The following WDR70 variants were observed in gnomAD, a reference collection of about 807,000 sequenced individuals.
WDR70 encodes the protein WD repeat-containing protein 70.
A neutral mutation model predicts 88.6 loss-of-function variants in WDR70; 53 were observed. That is an observed-to-expected ratio of 0.60 (90% CI 0.48 to 0.75). The LOEUF is 0.75. Among genes scored for constraint, WDR70 ranks in the 30% least tolerant of loss-of-function variants. The pLI is 0.00. For synonymous variants in WDR70, 280 were observed against 270.0 expected (o/e 1.04, Z -0.36); for missense variants, 610 against 823.2 (o/e 0.74, Z 3.17).
intron 7 of WDR70, 101 bp from the exon 8 acceptor site, chr5:37,479,733 G>A: frequency 7.5e-7 from 1 of 1,325,828 alleles, no homozygotes; most frequent in South Asian, 1.5e-5. Flanking sequence ...TTATCAATTT[G>A]TCCATTTGTG....
intron 9 of WDR70, among the ~76,000 whole-genome samples, chr5:37,579,384 G>T (rs895164474): frequency 6.6e-6 from 1 of 152,000 alleles, no homozygotes; most frequent in Non-Finnish European, 1.5e-5. Flanking sequence ...AAGAGATTGA[G>T]ACCATCCCGG....
At chr5:37,514,352 ATATATATG>A (rs1231799234) in intron 8 of WDR70, among the ~76,000 whole-genome samples, 2 of 59,752 alleles carry the variant, frequency 3.3e-5, no homozygotes, top group Non-Finnish European at 9.4e-5. Flanking sequence ...ATATATATAT[ATATATATG>A]TATGTATGTA....
intron 14 of WDR70, chr5:37,722,135 A>T (rs1163413621): frequency 6.6e-6 from 1 of 152,154 alleles, no homozygotes; most frequent in East Asian, 1.9e-4. Flanking sequence ...AACAAATAGG[A>T]TTTTATTTGT....
chr5:37,599,157 G>A (rs1008886761), intron 9 of WDR70, among the ~76,000 whole-genome samples: 1 of 152,176 alleles, frequency 6.6e-6, no homozygotes, highest in Non-Finnish European at 1.5e-5. Flanking sequence ...ATCTAACAAG[G>A]AAGACCTTCT....
chr5:37,746,472 A>G (rs1284473281), intron 17 of WDR70, among the ~76,000 whole-genome samples: 2 of 152,330 alleles, frequency 1.3e-5, no homozygotes, highest in East Asian at 3.9e-4. Context: ...AAAAAAATCA[A>G]CAAATCCAGG....
intron 9 of WDR70, among the ~76,000 whole-genome samples, chr5:37,582,083 A>G (rs1014353699): frequency 3.5e-5 from 5 of 143,968 alleles, no homozygotes; most frequent in Admixed American, 1.5e-4. Flanking sequence ...ACTTAGTTAC[A>G]GTTTTTATTT....
intron 7 of WDR70, among the ~76,000 whole-genome samples, chr5:37,445,350 G>A (rs1738427876): frequency 6.6e-6 from 1 of 151,934 alleles, no homozygotes; most frequent in Non-Finnish European, 1.5e-5. Flanking sequence ...AATGAGCTCA[G>A]TGTCCATTGA....
chr5:37,627,003 C>CT (rs967306118), intron 10 of WDR70, among the ~76,000 whole-genome samples: 1 of 151,920 alleles, frequency 6.6e-6, no homozygotes, highest in African/African-American at 2.4e-5. Context: ...ATTTGAGTCT[C>CT]TTTTTTTCTT....
At chr5:37,581,349 C>T (rs1049877690) in intron 9 of WDR70, among the ~76,000 whole-genome samples, 1 of 152,138 alleles carries the variant, frequency 6.6e-6, no homozygotes, top group African/African-American at 2.4e-5. Context: ...ATTTCTCATC[C>T]AATTCTTTAA....
At chr5:37,475,577 G>T (rs915022489) in intron 7 of WDR70, among the ~76,000 whole-genome samples, 4 of 152,098 alleles carry the variant, frequency 2.6e-5, no homozygotes, top group African/African-American at 9.7e-5. Context: ...CCTGATATTC[G>T]TAAGATATAC....
At chr5:37,703,919 T>C (rs1317860616) in intron 13 of WDR70, among the ~76,000 whole-genome samples, 1 of 152,212 alleles carries the variant, frequency 6.6e-6, no homozygotes, top group Non-Finnish European at 1.5e-5. Context: ...TATGTAGGTT[T>C]TTCCAGTTGT....
intron 10 of WDR70, among the ~76,000 whole-genome samples, chr5:37,622,928 A>G (rs1442612269): frequency 1.3e-5 from 2 of 152,224 alleles, no homozygotes; most frequent in African/African-American, 4.8e-5. Flanking sequence ...TCAAAAATGT[A>G]AAAAACCAAT....
intron 7 of WDR70, among the ~76,000 whole-genome samples, chr5:37,462,582 G>A (rs1221742946): frequency 2.6e-5 from 4 of 152,212 alleles, no homozygotes; most frequent in Non-Finnish European, 2.9e-5. Context: ...GATTACAGGC[G>A]TGAGCCACCG....
intron 17 of WDR70, among the ~76,000 whole-genome samples, chr5:37,730,287 A>G (rs1251253359): frequency 1.3e-5 from 2 of 152,120 alleles, no homozygotes; most frequent in Admixed American, 6.6e-5. Context: ...CTATTTATAA[A>G]TATGTCAGCA....
At chr5:37,506,147 G>T in intron 8 of WDR70, 1 of 1,059,912 alleles carries the variant, frequency 9.4e-7, no homozygotes, top group Non-Finnish European at 1.5e-6. Context: ...TGAAGTTAAT[G>T]TATCGAAGGT....
chr5:37,458,035 AG>A (rs1243486453), intron 7 of WDR70, among the ~76,000 whole-genome samples: 2 of 126,048 alleles, frequency 1.6e-5, no homozygotes, highest in East Asian at 2.3e-4. Context: ...TTTAGCATGA[AG>A]GGTTGTTGAA....
chr5:37,574,068 A>G (rs138556065), intron 9 of WDR70, among the ~76,000 whole-genome samples: 1 of 152,198 alleles, frequency 6.6e-6, no homozygotes, highest in East Asian at 1.9e-4. Context: ...ACCAAGATCT[A>G]ACACCTATGG....
At chr5:37,620,486 T>C (rs1305186106) in intron 10 of WDR70, among the ~76,000 whole-genome samples, 1 of 152,316 alleles carries the variant, frequency 6.6e-6, no homozygotes, top group African/African-American at 2.4e-5. Flanking sequence ...TGTAAAGCTG[T>C]ATTTTTTAAT....
chr5:37,390,663 G>C (rs113243893), intron 3 of WDR70, among the ~76,000 whole-genome samples: 2,013 of 150,434 alleles, frequency 0.013, 42 homozygotes, highest in African/African-American at 0.046. Flanking sequence ...TTATGATTTT[G>C]ATAGCTAGTC....
Sources: allele counts gnomAD v4.1 joint callset (sites outside exome capture counted in the v4.1 genomes callset), GRCh38; gene constraint gnomAD v4.1.1; transcripts MANE v1.5; gene names NCBI Gene and HGNC (gene_info 2026-07-23, HGNC 2026-07-21).